EYS: variants seen among roughly 807,000 people sequenced by gnomAD.
EYS encodes EGF-like photoreceptor maintenance factor.
A neutral mutation model predicts 282.1 loss-of-function variants in EYS; 250 were observed. The observed-to-expected ratio is 0.89, with a 90% CI of 0.80 to 0.98. The LOEUF (loss-of-function observed/expected upper bound fraction) is 0.98. Ranked by LOEUF, EYS falls within the 50% of genes least tolerant of loss-of-function variation. The pLI is 0.00. For missense variants in EYS, 4,016 were observed against 3,709.0 expected (o/e 1.08, Z -2.15); for synonymous variants, 1,355 against 1,282.9 (o/e 1.06, Z -1.20).
chr6:64,277,874 G>T (rs1394408187), intron 30 of EYS, among the ~76,000 whole-genome samples: 1 of 152,060 alleles, frequency 6.6e-6, no homozygotes, highest in African/African-American at 2.4e-5. Context: ...ATTTGAAAAA[G>T]TTTGGTTCTG....
chr6:65,381,070 G>T (rs1242976755), intron 8 of EYS, among the ~76,000 whole-genome samples: 3 of 152,048 alleles, frequency 2.0e-5, no homozygotes, highest in Non-Finnish European at 4.4e-5. Context: ...ATTCCTCAAG[G>T]ATATAGAACT....
At chr6:64,876,083 T>C (rs921089419) in intron 19 of EYS, among the ~76,000 whole-genome samples, 93 of 152,102 alleles carry the variant, frequency 6.1e-4, no homozygotes, top group African/African-American at 2.2e-3. Flanking sequence ...CTAAATTTTG[T>C]GTTTTACTTC....
At chr6:64,999,024 A>G (rs1771368191) in intron 13 of EYS, among the ~76,000 whole-genome samples, 1 of 152,230 alleles carries the variant, frequency 6.6e-6, no homozygotes, top group Non-Finnish European at 1.5e-5. Flanking sequence ...CTTTGAACAA[A>G]CGAAGTGTCT....
chr6:64,567,769 A>G (rs1765606870), intron 26 of EYS, among the ~76,000 whole-genome samples: 1 of 152,254 alleles, frequency 6.6e-6, no homozygotes. Flanking sequence ...CAAAAGCGGT[A>G]TCTTAAGAGC....
intron 13 of EYS, among the ~76,000 whole-genome samples, chr6:65,051,124 T>G (rs527260593): frequency 2.0e-5 from 3 of 151,764 alleles, no homozygotes; most frequent in Admixed American, 2.0e-4. Context: ...GTACTTACTT[T>G]CTTGAGAATC....
intron 12 of EYS, among the ~76,000 whole-genome samples, chr6:65,095,492 A>T (rs1409652916): frequency 6.6e-6 from 1 of 151,036 alleles, no homozygotes; most frequent in African/African-American, 2.4e-5. Context: ...CAATAATGTG[A>T]TTTAGCCATT....
intron 28 of EYS, among the ~76,000 whole-genome samples, chr6:64,417,753 C>T (rs1774103248): frequency 6.6e-6 from 1 of 150,530 alleles, no homozygotes; most frequent in Non-Finnish European, 1.5e-5. Flanking sequence ...TCACTGCAAC[C>T]TCGGCCTCCT....
chr6:65,475,784 CAGAG>C (rs368165713), intron 5 of EYS, among the ~76,000 whole-genome samples: 34 of 148,592 alleles, frequency 2.3e-4, no homozygotes, highest in African/African-American at 8.4e-4. Context: ...CACACAGAGA[CAGAG>C]AGAGAGAGAG....
intron 2 of EYS, among the ~76,000 whole-genome samples, chr6:65,597,593 C>T (rs1765453961): frequency 6.6e-6 from 1 of 152,084 alleles, no homozygotes; most frequent in African/African-American, 2.4e-5. Flanking sequence ...ATTTATTTCT[C>T]TTCATCTTTC....
chr6:65,594,548 C>T (rs551959468), intron 2 of EYS, among the ~76,000 whole-genome samples: 6 of 151,954 alleles, frequency 3.9e-5, no homozygotes, highest in Admixed American at 6.6e-5. Context: ...CTTAGCCTGA[C>T]GTTCTTAAAA....
At chr6:64,120,983 T>C (rs895805766) in intron 31 of EYS, among the ~76,000 whole-genome samples, 1 of 152,174 alleles carries the variant, frequency 6.6e-6, no homozygotes, top group Non-Finnish European at 1.5e-5. Flanking sequence ...TCTTTGTTTA[T>C]TTGCTTGCTT....
At chr6:64,390,935 T>G (rs1290097328) in intron 28 of EYS, among the ~76,000 whole-genome samples, 2 of 150,826 alleles carry the variant, frequency 1.3e-5, no homozygotes, top group Non-Finnish European at 3.0e-5. Flanking sequence ...TTAAAGGAGC[T>G]GATGGAGCTG....
intron 29 of EYS, among the ~76,000 whole-genome samples, chr6:64,346,559 G>A (rs951896676): frequency 6.6e-6 from 1 of 151,678 alleles, no homozygotes; most frequent in African/African-American, 2.4e-5. Flanking sequence ...TTGTGGGGTG[G>A]GGGGAGTGGG....
chr6:64,390,113 C>A (rs4481411), intron 28 of EYS, among the ~76,000 whole-genome samples: 4 of 151,822 alleles, frequency 2.6e-5, no homozygotes, highest in East Asian at 1.9e-4. Flanking sequence ...CACCTGGCTC[C>A]GAGGGTCCTA....
chr6:65,315,353 A>G (rs952500066), intron 11 of EYS, among the ~76,000 whole-genome samples: 4 of 152,202 alleles, frequency 2.6e-5, no homozygotes, highest in African/African-American at 9.7e-5. Context: ...CCATTCAATG[A>G]ATTGTCCTTG....
At chr6:65,698,384 C>T (rs909944308) in intron 1 of EYS, among the ~76,000 whole-genome samples, 2 of 152,116 alleles carry the variant, frequency 1.3e-5, no homozygotes, top group African/African-American at 4.8e-5. Context: ...ACTCAAAATA[C>T]TGGTGGGTCC....
At chr6:64,855,219 A>G (rs1321704553) in intron 19 of EYS, among the ~76,000 whole-genome samples, 1 of 151,512 alleles carries the variant, frequency 6.6e-6, no homozygotes, top group Non-Finnish European at 1.5e-5. Flanking sequence ...AGGTTCTCTG[A>G]GCTTTGTGGA....
intron 2 of EYS, among the ~76,000 whole-genome samples, chr6:65,512,285 G>T (rs1278065296): frequency 6.6e-6 from 1 of 151,978 alleles, no homozygotes; most frequent in African/African-American, 2.4e-5. Context: ...GAGGTCAGGA[G>T]ATCGAGACCA....
At chr6:64,612,383 G>A (rs1436115246) in intron 24 of EYS, among the ~76,000 whole-genome samples, 1 of 152,070 alleles carries the variant, frequency 6.6e-6, no homozygotes, top group Non-Finnish European at 1.5e-5. Context: ...ATTTACTGAG[G>A]AAGAAATGAG....
Sources: allele counts gnomAD v4.1 joint callset (sites outside exome capture counted in the v4.1 genomes callset), GRCh38; gene constraint gnomAD v4.1.1; transcripts MANE v1.5; gene names NCBI Gene and HGNC (gene_info 2026-07-23, HGNC 2026-07-21).